C2CD5: variants seen among roughly 807,000 people sequenced by gnomAD.
The protein encoded by C2CD5 is C2 calcium dependent domain containing 5, also known as C2 domain-containing protein 5.
In C2CD5, 109 loss-of-function variants were observed where a neutral mutation model predicts 130.3. The observed-to-expected ratio is 0.84, with a 90% CI of 0.72 to 0.98. The LOEUF (loss-of-function observed/expected upper bound fraction) is 0.98, where lower values mean the gene tolerates loss of function less well. Among genes scored for constraint, C2CD5 ranks in the 50% least tolerant of loss-of-function variants. The pLI, the probability that C2CD5 is intolerant of heterozygous loss-of-function variation, is 0.00. For missense variants in C2CD5, 996 were observed against 1,261.8 expected, an observed-to-expected ratio of 0.79 and a Z score of 3.19; for synonymous variants, 454 against 429.2, an observed-to-expected ratio of 1.06 and a Z score of -0.71.
At chr12:22,543,273 T>TCCG (rs1320856843) in intron 2 of C2CD5, among the ~76,000 whole-genome samples, 1 of 152,254 alleles carries the variant, frequency 6.6e-6, no homozygotes, top group Non-Finnish European at 1.5e-5. Flanking sequence ...GTTATTACCT[T>TCCG]CCGGCCGTAG....
chr12:22,452,820 C>T (rs1938990697), intron 26 of C2CD5, among the ~76,000 whole-genome samples: 1 of 152,122 alleles, frequency 6.6e-6, no homozygotes, highest in East Asian at 1.9e-4. Context: ...TAGTCCCAGC[C>T]ACTAGGGAAG....
intron 3 of C2CD5, among the ~76,000 whole-genome samples, chr12:22,528,982 A>G (rs1950968939): frequency 6.6e-6 from 1 of 152,196 alleles, no homozygotes; most frequent in Non-Finnish European, 1.5e-5. Context: ...TTGTTTATTT[A>G]TAAGGGGTCC....
At position 22,493,250 on chromosome 12, in the gene C2CD5, A is replaced by G; in HGVS notation, c.1235T>C (p.Val412Ala). The G allele has an allele frequency of 6.2e-7, 1 of 1,605,634 alleles. No homozygotes were observed. The highest frequency in any genetic ancestry group is 1.7e-5 in the Admixed American group (1 of 59,950). The change falls in exon 11 of 27, where the codon GTG (valine) becomes GCG (alanine). Residue 412 changes from valine to alanine, a missense_variant. Coordinates refer to ENST00000446597, the MANE Select transcript of C2CD5 (RefSeq NM_001286176.2). ...GATGCTAGTTGATTCACTGTAGCCC[A>G]CTACAGCATGACAGCCTAATGCTTT... The part of the protein sequence containing the change: ...HAKALGCHAV[V>A]GYSESTSICE...
At chr12:22,511,650 C>T (rs975528725) in intron 9 of C2CD5, among the ~76,000 whole-genome samples, 2 of 152,150 alleles carry the variant, frequency 1.3e-5, no homozygotes, top group Non-Finnish European at 2.9e-5. Context: ...TGTTTAAATG[C>T]ATATCTGAAA....
chr12:22,525,709 T>C lies in C2CD5; in HGVS notation c.350-4A>G, dbSNP rs1323709994. ...ACATTGATTTCCCCACGGATACCTA[T>C]AAATTTAAAAAGAAAATCAAGTTTC... On this transcript the variant is annotated splice_polypyrimidine_tract_variant and splice_region_variant and intron_variant, in intron 4 of 26. Transcript: ENST00000446597. 2 of 1,395,612 alleles carry C rather than the reference T, an allele frequency of 1.4e-6. No individual in the cohort carries two copies. The highest frequency in any genetic ancestry group is 2.3e-5 in the East Asian group (1 of 43,724). 86.5% of individuals were successfully genotyped at this position (1,395,612 alleles called of 1,614,324 possible).
intron 6 of C2CD5, 75 bp downstream of exon 6, chr12:22,524,393 GAGGT>G: frequency 8.8e-7 from 1 of 1,142,752 alleles, no homozygotes. Context: ...TTGTAAAGTT[GAGGT>G]AGCATGTCAA....
intron 3 of C2CD5, among the ~76,000 whole-genome samples, chr12:22,533,713 G>C (rs185165749): frequency 6.6e-6 from 1 of 152,176 alleles, no homozygotes; most frequent in African/African-American, 2.4e-5. Flanking sequence ...AGAGACCTGG[G>C]TGAGGAGATG....
chr12:22,456,936 T>A (rs1329311184), intron 25 of C2CD5, 35 bp downstream of exon 25: 4 of 1,392,220 alleles, frequency 2.9e-6, no homozygotes, highest in Admixed American at 2.5e-5. Flanking sequence ...TCAGAGAAAA[T>A]TTTTTAAAAA....
At chr12:22,505,451 A>G (rs7963732) in intron 10 of C2CD5, among the ~76,000 whole-genome samples, 24,174 of 151,858 alleles carry the variant, frequency 0.16, 3,830 homozygotes, top group African/African-American at 0.41. Flanking sequence ...TTTTACAGGC[A>G]TGAGCCACTG....
At chr12:22,534,569 C>T (rs1951647830) in intron 3 of C2CD5, 1 of 152,048 alleles carries the variant, frequency 6.6e-6, no homozygotes, top group African/African-American at 2.4e-5. Flanking sequence ...CATACACATA[C>T]AATGGGTTAT....
Position 22,457,095 on chromosome 12 carries a change from C to A in C2CD5, c.2753G>T (p.Cys918Phe), listed in dbSNP as rs1213062578. 1.2e-6 allele frequency: 2 copies of A among 1,612,794 alleles called. No individual in the cohort carries two copies. The highest frequency in any genetic ancestry group is 1.7e-6 in the Non-Finnish European group (2 of 1,179,424). Residue 918 changes from cysteine to phenylalanine, a missense_variant, in exon 25 of 27, where the codon TGT becomes TTT. Cys to Phe is a radical substitution (Grantham distance 205). Transcript: ENST00000446597. The stretch of plus-strand genomic sequence containing the variant: ...AACAACCCCAACTGTGGAATTTGCA[C>A]AAGGTGGAGCAGAACGATTCCGGAA... ...GNFRNRSAPP[C>F]ANSTVGVVKM... is the part of the protein sequence containing the mutation.
At chr12:22,489,935 A>G (rs1946123755) in intron 12 of C2CD5, among the ~76,000 whole-genome samples, 188 bp downstream of exon 12, 1 of 152,168 alleles carries the variant, frequency 6.6e-6, no homozygotes, top group Non-Finnish European at 1.5e-5. Context: ...TGTGTGCCAT[A>G]TAGTGCAGAA....
chr12:22,537,535 C>T (rs73078412), intron 2 of C2CD5, among the ~76,000 whole-genome samples: 6,344 of 152,268 alleles, frequency 0.042, 168 homozygotes, highest in South Asian at 0.11. Context: ...CATTTTATTA[C>T]TCAGCAATTA....
Position 22,449,696 on chromosome 12 carries a change from T to C in C2CD5, c.*64A>G, listed in dbSNP as rs1468601936. 1.4e-6 allele frequency: 2 copies of C among 1,410,588 alleles called. No homozygotes were observed. Among genetic ancestry groups the C allele is most frequent in the East Asian group, 2.3e-5 (1 of 43,234 alleles). The allele number at this position is 1,410,588 out of a possible 1,614,324, so 87.4% of individuals were successfully genotyped here. ...TTCAATTTTAAGTCTAAGAAGATAA[T>C]TAATGACAAAATAACAGAGATTGAT... is the stretch of plus-strand genomic sequence containing the variant. On this transcript the variant is annotated 3_prime_UTR_variant, in exon 27 of 27. Transcript: ENST00000446597.
At chr12:22,538,673 A>G (rs7954662) in intron 2 of C2CD5, among the ~76,000 whole-genome samples, 439 of 152,350 alleles carry the variant, frequency 2.9e-3, no homozygotes, top group African/African-American at 9.4e-3. Flanking sequence ...CTATTCAACA[A>G]GAATCTTCCT....
intron 8 of C2CD5, among the ~76,000 whole-genome samples, chr12:22,517,038 A>T (rs1949796922): frequency 6.6e-6 from 1 of 151,966 alleles, no homozygotes; most frequent in East Asian, 1.9e-4. Flanking sequence ...TTAAATCTAT[A>T]GGCTTTTTAA....
At chr12:22,521,689 C>G (rs535782003) in intron 7 of C2CD5, among the ~76,000 whole-genome samples, 1 of 152,108 alleles carries the variant, frequency 6.6e-6, no homozygotes, top group South Asian at 2.1e-4. Flanking sequence ...ATTCATTCTT[C>G]GATTTATTTA....
intron 12 of C2CD5, among the ~76,000 whole-genome samples, chr12:22,485,476 CA>C (rs1404881346): frequency 2.6e-5 from 4 of 150,950 alleles, no homozygotes; most frequent in African/African-American, 9.7e-5. Flanking sequence ...AGGTACCCCC[CA>C]AAATTAAAAA....
Position 22,482,511 on chromosome 12 carries a change from A to G in C2CD5, c.1737+46T>C, listed in dbSNP as rs749034802. 2.2e-5 allele frequency: 32 copies of G among 1,483,420 alleles called. No individual in the cohort carries two copies. In the Admixed American group the frequency reaches 5.7e-4, roughly 26 times the overall value. 91.9% of individuals were successfully genotyped at this position (1,483,420 alleles called of 1,614,324 possible). On this transcript the variant is annotated intron_variant, in intron 14 of 26. Transcript: ENST00000446597. ...TGAATCACATAACATAGAATCTACTATAATTAAGGAAATCATAAAACAAAA... is the reference window on the plus strand; with the variant it reads ...TGAATCACATAACATAGAATCTACTGTAATTAAGGAAATCATAAAACAAAA...
Sources: allele counts gnomAD v4.1 joint callset (sites outside exome capture counted in the v4.1 genomes callset), GRCh38; gene constraint gnomAD v4.1.1; transcripts MANE v1.5; gene names NCBI Gene and HGNC (gene_info 2026-07-23, HGNC 2026-07-21).